Variants in TNC observed in about 807,000 individuals in gnomAD.
TNC encodes the protein tenascin.
TNC carries 109 observed loss-of-function variants against 202.4 expected under a neutral mutation model. That is an observed-to-expected ratio of 0.54 (90% CI 0.46 to 0.63). TNC has a LOEUF of 0.63. TNC is among the 30% of genes least tolerant of loss of function. The pLI is 0.00. For missense variants in TNC, 2,756 were observed against 2,833.3 expected (o/e 0.97, Z 0.62); for synonymous variants, 1,007 against 1,089.7 (o/e 0.92, Z 1.50).
chr9:115,107,212 A>G (rs1836685538), intron 1 of TNC, among the ~76,000 whole-genome samples: 1 of 152,170 alleles, frequency 6.6e-6, no homozygotes, highest in African/African-American at 2.4e-5. Context: ...TCCTTAAATG[A>G]CCAAATAGAA....
intron 27 of TNC, 134 bp downstream of exon 27, chr9:115,023,839 G>C: frequency 9.3e-7 from 1 of 1,076,148 alleles, no homozygotes; most frequent in Non-Finnish European, 1.4e-6. Context: ...CACTGCCTTG[G>C]GAAAAACATG....
rs767948969 is a variant in TNC, at chr9:115,084,359, C to T, written c.1981G>A (p.Glu661Lys). The T allele has an allele frequency of 5.2e-5, 84 of 1,614,198 alleles. No homozygotes were observed. Among genetic ancestry groups the T allele is most frequent in the Admixed American group, 3.3e-4 (20 of 60,020 alleles). The change falls in exon 4 of 28, where the codon GAG (glutamate) becomes AAG (lysine). Residue 661 changes from glutamate to lysine, a missense_variant. By Grantham distance (56) the Glu-to-Lys change is moderately conservative. Coordinates refer to ENST00000350763, the MANE Select transcript of TNC (RefSeq NM_002160.4). ...CGGAACTGCATTTCCAGACCACCCT[C>T]GTGGGTGGGCGTGTACACGACAAGG... Reference protein sequence around the residue: ...EYLVVYTPTHEGGLEMQFRVP... With the variant: ...EYLVVYTPTHKGGLEMQFRVP...
intron 10 of TNC, 97 bp from the exon 11 acceptor site, chr9:115,065,016 C>T: frequency 7.2e-7 from 1 of 1,391,936 alleles, no homozygotes; most frequent in East Asian, 2.3e-5. Flanking sequence ...CATCTATAGG[C>T]CATTGCAGTC....
chr9:115,024,189 C>T, intron 26 of TNC, 53 bp from the exon 27 acceptor site: 1 of 1,588,868 alleles, frequency 6.3e-7, no homozygotes, highest in South Asian at 1.1e-5. Flanking sequence ...AATTTCCCTC[C>T]TGGACAGTAA....
chr9:115,082,502 C>T (rs1446580367), intron 5 of TNC, among the ~76,000 whole-genome samples, 190 bp downstream of exon 5: 1 of 152,182 alleles, frequency 6.6e-6, no homozygotes, highest in African/African-American at 2.4e-5. Flanking sequence ...GTAAGTGCTA[C>T]ACTTACTTAT....
In TNC at chr9:115,059,973, C is replaced by T. The variant is rs569664449; in HGVS notation, c.4063G>A (p.Val1355Met). ...AGGCCATCCCAGCCAACCTCAGACA[C>T]GGCTAAATCTCCCAGCTGTGGGAGA... The part of the protein sequence containing the change: ...EDLPQLGDLA[V>M]SEVGWDGLRL... The change falls in exon 14 of 28, where the codon GTG becomes ATG. Residue 1355 changes from valine to methionine, a missense_variant. Val to Met is a conservative substitution (Grantham distance 21, BLOSUM62 1). Around this residue, in one of 2 missense-constraint regions of TNC, gnomAD observed 2,559 missense variants for 2,546.0 expected, o/e 1.01. Transcript: ENST00000350763. The T allele has an allele frequency of 1.5e-4, 241 of 1,613,716 alleles. No homozygotes were observed. The highest frequency in any genetic ancestry group is 1.8e-4 in the Admixed American group (11 of 59,996).
intron 15 of TNC, among the ~76,000 whole-genome samples, chr9:115,051,244 G>A (rs1831626795): frequency 6.6e-6 from 1 of 152,074 alleles, no homozygotes; most frequent in African/African-American, 2.4e-5. Flanking sequence ...GAGTGAATGG[G>A]TAGGGCTTAA....
At chr9:115,107,200 T>C (rs530571705) in intron 1 of TNC, among the ~76,000 whole-genome samples, 1 of 152,124 alleles carries the variant, frequency 6.6e-6, no homozygotes, top group Admixed American at 6.6e-5. Flanking sequence ...TCAGTAAACA[T>C]TTCCTTAAAT....
At position 115,031,737 on chromosome 9, in the gene TNC, G is replaced by T. The variant is rs1052944200; in HGVS notation, c.5788-52C>A. On this transcript the variant is annotated intron_variant, in intron 22 of 27. Coordinates refer to ENST00000350763, the MANE Select transcript of TNC (RefSeq NM_002160.4). Reference sequence around the variant, plus strand: ...GCTTTTGGTCACAGAAATTCTCAGGGTATAGATAAGAAGTCATTCTATTTA... The same window carrying T: ...GCTTTTGGTCACAGAAATTCTCAGGTTATAGATAAGAAGTCATTCTATTTA... 8 of 1,585,324 alleles carry T rather than the reference G, an allele frequency of 5.0e-6. No homozygotes were observed. In the East Asian group the frequency reaches 1.8e-4, roughly 36 times the overall value.
intron 12 of TNC, 104 bp downstream of exon 12, chr9:115,063,692 C>T (rs1832720419): frequency 8.0e-7 from 1 of 1,248,078 alleles, no homozygotes; most frequent in African/African-American, 1.5e-5. Flanking sequence ...GGTATTTCCC[C>T]AATGTGGTAG....
chr9:115,081,015 T>C (rs1290088767), intron 6 of TNC, among the ~76,000 whole-genome samples: 3 of 152,216 alleles, frequency 2.0e-5, no homozygotes, highest in African/African-American at 4.8e-5. Context: ...ATCATTAGTA[T>C]TGAATGAAAT....
chr9:115,064,463 T>C (rs1315148375), intron 11 of TNC, among the ~76,000 whole-genome samples, 184 bp downstream of exon 11: 1 of 152,138 alleles, frequency 6.6e-6, no homozygotes, highest in Non-Finnish European at 1.5e-5. Context: ...GTGTCATTCA[T>C]GTGGAGTGAA....
chr9:115,075,044 C>T (rs1311970225), intron 9 of TNC, among the ~76,000 whole-genome samples: 3 of 152,080 alleles, frequency 2.0e-5, no homozygotes, highest in Non-Finnish European at 1.5e-5. Context: ...AAATGTCCGG[C>T]CTTGCATCCC....
chr9:115,031,708 A>G, intron 22 of TNC, 23 bp from the exon 23 acceptor site: 1 of 1,601,664 alleles, frequency 6.2e-7, no homozygotes, highest in Non-Finnish European at 8.5e-7. Context: ...GAAAAAGTAT[A>G]ATGGCTTTTG....
At chr9:115,046,921 T>A (rs961316421) in intron 16 of TNC, among the ~76,000 whole-genome samples, 3 of 151,972 alleles carry the variant, frequency 2.0e-5, no homozygotes, top group African/African-American at 7.3e-5. Flanking sequence ...CATATGTGAG[T>A]TTTGTCTAAA....
chr9:115,096,264 A>G (rs561536369), intron 1 of TNC, among the ~76,000 whole-genome samples: 1 of 152,304 alleles, frequency 6.6e-6, no homozygotes, highest in East Asian at 1.9e-4. Context: ...CTTCGAATTC[A>G]TTGGTCTTGA....
At chr9:115,112,406 A>G (rs1331848241) in intron 1 of TNC, among the ~76,000 whole-genome samples, 5 of 152,184 alleles carry the variant, frequency 3.3e-5, no homozygotes, top group Non-Finnish European at 5.9e-5. Flanking sequence ...AGTGTACAAA[A>G]TAGATAAGTG....
chr9:115,053,006 G>A (rs1831823445), intron 15 of TNC: 1 of 698,922 alleles, frequency 1.4e-6, no homozygotes, highest in Non-Finnish European at 2.6e-6. Flanking sequence ...GCCCAACTGT[G>A]GCTTTGGTTC....
intron 23 of TNC, 101 bp from the exon 24 acceptor site, chr9:115,030,506 C>T: frequency 7.6e-7 from 1 of 1,320,746 alleles, no homozygotes; most frequent in Non-Finnish European, 1.0e-6. Context: ...TGGGGAATTT[C>T]CAGGTGCAAT....
Sources: gnomAD v4.1 joint callset for allele counts (sites outside exome capture counted in the v4.1 genomes callset) on GRCh38, gnomAD v4.1.1 for gene constraint, gnomAD v4.1.1 regional missense constraint, MANE v1.5 for transcripts, NCBI Gene and HGNC (gene_info 2026-07-23, HGNC 2026-07-21) for gene names.